The following TAS2R39 variants were observed in gnomAD, a reference collection of about 807,000 sequenced individuals.
TAS2R39 encodes the protein taste receptor type 2 member 39.
Under a neutral mutation model 20.5 loss-of-function variants are expected in TAS2R39, and 22 were observed. The ratio of observed to expected loss-of-function variants is 1.08; its 90% CI spans 0.77 to 1.54. The LOEUF (loss-of-function observed/expected upper bound fraction) is 1.54, where lower values mean the gene tolerates loss of function less well. TAS2R39 is among the 40% of genes most tolerant of loss of function. The pLI is 0.00. For missense variants in TAS2R39, 362 were observed against 398.6 expected (o/e 0.91, Z 0.78); for synonymous variants, 128 against 147.7 (o/e 0.87, Z 0.97).
Position 143,184,390 on chromosome 7 carries a change from G to T in TAS2R39, c.972G>T (p.Arg324=), listed in dbSNP as rs780473909. ...CTGGGCTGAGAAGAGCCTGGAAGCG[G>T]CTTCAGCTTCGACTTCATCTTTACC... is the stretch of plus-strand genomic sequence containing the variant. ...DNPGLRRAWK[R]LQLRLHLYPK... Residue 324 remains arginine, a synonymous_variant, in exon 1 of 1, where the codon CGG becomes CGT. Transcript: ENST00000446620. 6.2e-7 allele frequency: 1 copy of T among 1,612,246 alleles called. No homozygotes were observed. Among genetic ancestry groups the T allele is most frequent in the Non-Finnish European group, 8.5e-7 (1 of 1,178,996 alleles).
In TAS2R39 at chr7:143,183,423, T is replaced by G. The variant is rs200380921; in HGVS notation, c.5T>G (p.Leu2Arg). 3.3e-4 allele frequency: 536 copies of G among 1,610,590 alleles called. 6 individuals carry two copies. The African/African-American group carries it at 6.2e-3, about 19-fold the overall frequency. M[L>R]GRCFPPDTKE... The stretch of plus-strand genomic sequence containing the variant: ...TATCAAGAGTCTGCCCATCAAATGC[T>G]AGGGAGATGTTTTCCTCCAGACACC... Residue 2 changes from leucine to arginine, a missense_variant, in exon 1 of 1, where the codon CTA becomes CGA. Physicochemically the swap from Leu to Arg is moderately radical, Grantham distance 102. Coordinates refer to ENST00000446620, the MANE Select transcript of TAS2R39 (RefSeq NM_176881.2).
chr7:143,183,508 G>C lies in TAS2R39; in HGVS notation c.90G>C (p.Ser30=). The C allele has an allele frequency of 6.2e-7, 1 of 1,613,200 alleles. No individual in the cohort carries two copies. The highest frequency in any genetic ancestry group is 8.5e-7 in the Non-Finnish European group (1 of 1,179,354). The part of the protein sequence containing the change: ...KLCDPAESEL[S]PFLITLILAV... ...GCGATCCTGCAGAAAGTGAATTGTC[G>C]CCATTTCTCATCACCTTAATTTTAG... is the stretch of plus-strand genomic sequence containing the variant. The change falls in exon 1 of 1, where the codon TCG becomes TCC. Residue 30 remains serine (S), a synonymous_variant. Transcript: ENST00000446620.
In TAS2R39 at chr7:143,183,555, T is replaced by G. The variant is rs374774683; in HGVS notation, c.137T>G (p.Leu46Arg). 3 of 1,613,376 alleles carry G rather than the reference T, an allele frequency of 1.9e-6. No individual in the cohort carries two copies. The highest frequency in any genetic ancestry group is 2.5e-6 in the Non-Finnish European group (3 of 1,179,576). ...LILAVLLAEYLIGIIANGFIM... is the reference protein window; with the variant it reads ...LILAVLLAEYRIGIIANGFIM... ...TTAGCAGTTTTACTTGCTGAATACC[T>G]CATTGGTATCATTGCAAATGGTTTC... Residue 46 changes from leucine to arginine, a missense_variant, in exon 1 of 1, where the codon CTC becomes CGC. Coordinates refer to ENST00000446620, the MANE Select transcript of TAS2R39 (RefSeq NM_176881.2).
Position 143,184,196 on chromosome 7 carries a change from G to A in TAS2R39, c.778G>A (p.Ala260Thr). The A allele has an allele frequency of 1.2e-6, 2 of 1,613,716 alleles. No individual in the cohort carries two copies. Among genetic ancestry groups the A allele is most frequent in the Non-Finnish European group, 1.7e-6 (2 of 1,179,754 alleles). ...CCCCAGCATGGAGGCTCACATGGGG[G>A]CCATCAAAGCTATCAGCTACTTTCT... ...NDPSMEAHMG[A>T]IKAISYFLIL... Residue 260 changes from alanine (A) to threonine (T), a missense_variant, in exon 1 of 1, where the codon GCC becomes ACC. Transcript: ENST00000446620.
Position 143,184,021 on chromosome 7 carries a change from G to A in TAS2R39, c.603G>A (p.Leu201=). ...HSSNSTKKTY[L]SEINVVGLAF... is the part of the protein sequence containing the mutation. The stretch of plus-strand genomic sequence containing the variant: ...CCAACTCCACTAAGAAAACATACTT[G>A]TCTGAGATCAATGTGGTCGGTCTGG... The change falls in exon 1 of 1, where the codon TTG becomes TTA. Residue 201 remains leucine (L), a synonymous_variant. Coordinates refer to ENST00000446620, the MANE Select transcript of TAS2R39 (RefSeq NM_176881.2). 6.2e-7 allele frequency: 1 copy of A among 1,613,628 alleles called. No homozygotes were observed. Among genetic ancestry groups the A allele is most frequent in the Non-Finnish European group, 8.5e-7 (1 of 1,179,722 alleles).
chr7:143,183,952 C>T lies in TAS2R39; in HGVS notation c.534C>T (p.Asn178=), dbSNP rs779984086. Reference sequence around the variant, plus strand: ...TCAGTCACAGCATGTTCTGCATCAACATCTGCACTGTGTATTGTAACAATT... The same window carrying T: ...TCAGTCACAGCATGTTCTGCATCAATATCTGCACTGTGTATTGTAACAATT... ...ISFSHSMFCI[N]ICTVYCNNSF... Residue 178 remains asparagine, a synonymous_variant, in exon 1 of 1, where the codon AAC becomes AAT. Coordinates refer to ENST00000446620, the MANE Select transcript of TAS2R39 (RefSeq NM_176881.2). 3 of 1,613,366 alleles carry T rather than the reference C, an allele frequency of 1.9e-6. No homozygotes were observed. Among genetic ancestry groups the T allele is most frequent in the African/African-American group, 2.7e-5 (2 of 74,852 alleles).
Position 143,183,658 on chromosome 7 carries a change from T to G in TAS2R39, c.240T>G (p.Ser80Arg). ...STSGRILVFL[S>R]VSRIALQSLM... is the part of the protein sequence containing the mutation. ...GTGGCAGGATCCTGGTTTTCCTGAG[T>G]GTATCCAGAATAGCTCTCCAAAGCC... The change falls in exon 1 of 1, where the codon AGT becomes AGG. Residue 80 changes from serine (S) to arginine (R), a missense_variant. By Grantham distance (110) the Ser-to-Arg change is moderately radical. Coordinates refer to ENST00000446620, the MANE Select transcript of TAS2R39 (RefSeq NM_176881.2). 6.2e-7 allele frequency: 1 copy of G among 1,613,608 alleles called. No individual in the cohort carries two copies. The highest frequency in any genetic ancestry group is 1.6e-4 in the Middle Eastern group (1 of 6,062).
Position 143,184,118 on chromosome 7 carries a change from T to G in TAS2R39, c.700T>G (p.Ser234Ala). Residue 234 changes from serine to alanine, a missense_variant, in exon 1 of 1, where the codon TCT becomes GCT. By Grantham distance (99) the Ser-to-Ala change is moderately conservative (BLOSUM62 1). Coordinates refer to ENST00000446620, the MANE Select transcript of TAS2R39 (RefSeq NM_176881.2). ...FILTATLLIL[S>A]LKRHTLHMGS... ...CCTGACAGCCACCCTGCTGATCCTCTCTCTCAAGAGACACACCCTACACAT... is the reference window on the plus strand; with the variant it reads ...CCTGACAGCCACCCTGCTGATCCTCGCTCTCAAGAGACACACCCTACACAT... 1 of 1,613,682 alleles carries G rather than the reference T, an allele frequency of 6.2e-7. No homozygotes were observed. The highest frequency in any genetic ancestry group is 8.5e-7 in the Non-Finnish European group (1 of 1,179,738).
In TAS2R39 at chr7:143,183,765, G is replaced by A. The variant is rs1001951185; in HGVS notation, c.347G>A (p.Ser116Asn). ...EDAVYYAFKI[S>N]FIFLNFCSLW... ...GCTGTATATTATGCATTCAAAATAA[G>A]TTTTATATTCTTAAATTTTTGTAGC... The change falls in exon 1 of 1, where the codon AGT becomes AAT. Residue 116 changes from serine (S) to asparagine (N), a missense_variant. Ser to Asn is a conservative substitution (Grantham distance 46, BLOSUM62 1). Transcript: ENST00000446620. 4 of 1,613,272 alleles carry A rather than the reference G, an allele frequency of 2.5e-6. No homozygotes were observed. The highest frequency in any genetic ancestry group is 1.3e-5 in the African/African-American group (1 of 74,834).
the TAS2R39 span, chr7:143,183,428 A>T: frequency 6.2e-7 from 1 of 1,611,334 alleles, no homozygotes; most frequent in East Asian, 2.2e-5. Flanking sequence ...AATGCTAGGG[A>T]GATGTTTTCC....
rs1347888376 is a variant in TAS2R39, at chr7:143,184,272, T to C, written c.854T>C (p.Met285Thr). The C allele has an allele frequency of 1.9e-6, 3 of 1,613,772 alleles. No individual in the cohort carries two copies. Among genetic ancestry groups the C allele is most frequent in the East Asian group, 2.2e-5 (1 of 44,884 alleles). The change falls in exon 1 of 1, where the codon ATG (methionine) becomes ACG (threonine). Residue 285 changes from methionine to threonine, a missense_variant. Transcript: ENST00000446620. ...GCTCTGTTTATCTACCTGTCCAACA[T>C]GTTTGACATCAACAGTCTGTGGAAT... is the stretch of plus-strand genomic sequence containing the variant. Reference protein sequence around the residue: ...AVALFIYLSNMFDINSLWNNL... With the variant: ...AVALFIYLSNTFDINSLWNNL...
rs151299971 is a variant in TAS2R39 at position 143,183,853 on chromosome 7, C to G, written c.435C>G (p.Pro145=). 690 of 1,613,580 alleles carry G rather than the reference C, an allele frequency of 4.3e-4. 14 individuals are homozygous for G. The African/African-American group carries it at 7.1e-3, about 16-fold the overall frequency. The change falls in exon 1 of 1, where the codon CCC becomes CCG. Residue 145 remains proline, a synonymous_variant. Coordinates refer to ENST00000446620, the MANE Select transcript of TAS2R39 (RefSeq NM_176881.2). ...YFVKIANFSY[P]LFLKLRWRIT... is the part of the protein sequence containing the mutation. ...TGAAGATTGCCAATTTCTCCTACCC[C>G]CTTTTCCTCAAACTGAGGTGGAGAA... is the stretch of plus-strand genomic sequence containing the variant.
In TAS2R39 at chr7:143,183,589, T is replaced by C. The variant is rs1378186449; in HGVS notation, c.171T>C (p.Ala57=). Residue 57 remains alanine (A), a synonymous_variant, in exon 1 of 1, where the codon GCT becomes GCC. Transcript: ENST00000446620. ...IGIIANGFIM[A]IHAAEWVQNK... ...TCATTGCAAATGGTTTCATCATGGCTATACATGCAGCTGAATGGGTTCAAA... is the reference window on the plus strand; with the variant it reads ...TCATTGCAAATGGTTTCATCATGGCCATACATGCAGCTGAATGGGTTCAAA... 2 of 1,613,462 alleles carry C rather than the reference T, an allele frequency of 1.2e-6. No homozygotes were observed. The highest frequency in any genetic ancestry group is 2.7e-5 in the African/African-American group (2 of 74,872).
Position 143,184,264 on chromosome 7 carries a change from G to A in TAS2R39, c.846G>A (p.Leu282=), listed in dbSNP as rs1360833547. Residue 282 remains leucine (L), a synonymous_variant, in exon 1 of 1, where the codon CTG becomes CTA. Coordinates refer to ENST00000446620, the MANE Select transcript of TAS2R39 (RefSeq NM_176881.2). ...IFNAVALFIY[L]SNMFDINSLW... ...ATGCAGTTGCTCTGTTTATCTACCT[G>A]TCCAACATGTTTGACATCAACAGTC... is the stretch of plus-strand genomic sequence containing the variant. 6.2e-7 allele frequency: 1 copy of A among 1,613,672 alleles called. No individual in the cohort carries two copies. Among genetic ancestry groups the A allele is most frequent in the Non-Finnish European group, 8.5e-7 (1 of 1,179,748 alleles).
Position 143,183,587 on chromosome 7 carries a change from G to A in TAS2R39, c.169G>A (p.Ala57Thr). 6.2e-7 allele frequency: 1 copy of A among 1,613,456 alleles called. No homozygotes were observed. The highest frequency in any genetic ancestry group is 1.3e-5 in the African/African-American group (1 of 74,948). Reference protein sequence around the residue: ...IGIIANGFIMAIHAAEWVQNK... With the variant: ...IGIIANGFIMTIHAAEWVQNK... ...TATCATTGCAAATGGTTTCATCATG[G>A]CTATACATGCAGCTGAATGGGTTCA... Residue 57 changes from alanine (A) to threonine (T), a missense_variant, in exon 1 of 1, where the codon GCT (alanine) becomes ACT (threonine). Ala to Thr is a moderately conservative substitution (Grantham distance 58, BLOSUM62 0). Transcript: ENST00000446620.
chr7:143,184,164 C>T lies in TAS2R39; in HGVS notation c.746C>T (p.Ser249Phe), dbSNP rs1008137078. The T allele has an allele frequency of 6.2e-7, 1 of 1,613,654 alleles. No individual in the cohort carries two copies. Among genetic ancestry groups the T allele is most frequent in the Non-Finnish European group, 8.5e-7 (1 of 1,179,792 alleles). ...CACATGGGAAGCAATGCCACAGGGTCCAACGACCCCAGCATGGAGGCTCAC... is the reference window on the plus strand; with the variant it reads ...CACATGGGAAGCAATGCCACAGGGTTCAACGACCCCAGCATGGAGGCTCAC... ...TLHMGSNATG[S>F]NDPSMEAHMG... is the part of the protein sequence containing the mutation. The change falls in exon 1 of 1, where the codon TCC becomes TTC. Residue 249 changes from serine (S) to phenylalanine (F), a missense_variant. Physicochemically the swap from Ser to Phe is radical, Grantham distance 155. Transcript: ENST00000446620.
In TAS2R39 at chr7:143,184,390, G is replaced by C. The variant is rs780473909; in HGVS notation, c.972G>C (p.Arg324=). 2 of 1,612,246 alleles carry C rather than the reference G, an allele frequency of 1.2e-6. No individual in the cohort carries two copies. The highest frequency in any genetic ancestry group is 1.1e-5 in the South Asian group (1 of 90,966). ...DNPGLRRAWK[R]LQLRLHLYPK... Reference sequence around the variant, plus strand: ...CTGGGCTGAGAAGAGCCTGGAAGCGGCTTCAGCTTCGACTTCATCTTTACC... The same window carrying C: ...CTGGGCTGAGAAGAGCCTGGAAGCGCCTTCAGCTTCGACTTCATCTTTACC... Residue 324 remains arginine (R), a synonymous_variant, in exon 1 of 1, where the codon CGG becomes CGC. Transcript: ENST00000446620.
chr7:143,184,377 G>A lies in TAS2R39; in HGVS notation c.959G>A (p.Arg320Lys), dbSNP rs1248683026. 2 of 1,613,108 alleles carry A rather than the reference G, an allele frequency of 1.2e-6. No homozygotes were observed. Among genetic ancestry groups the A allele is most frequent in the African/African-American group, 2.7e-5 (2 of 74,858 alleles). ...ATTCAAGATAACCCTGGGCTGAGAA[G>A]AGCCTGGAAGCGGCTTCAGCTTCGA... Reference protein sequence around the residue: ...LLIQDNPGLRRAWKRLQLRLH... With the variant: ...LLIQDNPGLRKAWKRLQLRLH... The change falls in exon 1 of 1, where the codon AGA (arginine) becomes AAA (lysine). Residue 320 changes from arginine to lysine, a missense_variant. Arg to Lys is a conservative substitution (Grantham distance 26). Transcript: ENST00000446620.
Position 143,184,427 on chromosome 7 carries a change from ACTCTGT to A in TAS2R39, c.1010_1015del (p.Thr337_Ter339delinsArg), listed in dbSNP as rs1799824108. 1 of 1,602,776 alleles carries A rather than the reference ACTCTGT, an allele frequency of 6.2e-7. No individual in the cohort carries two copies. Among genetic ancestry groups the A allele is most frequent in the Admixed American group, 1.7e-5 (1 of 58,814 alleles). The stretch of plus-strand genomic sequence containing the variant: ...ACTTCATCTTTACCCAAAAGAGTGG[ACTCTGT>A]GACCAGCACCCAAGAAGACCACAGG... On this transcript the variant is annotated stop_lost and inframe_deletion, in exon 1 of 1. Transcript: ENST00000446620.
Sources: gnomAD v4.1 joint callset for allele counts on GRCh38, gnomAD v4.1.1 for gene constraint, MANE v1.5 for transcripts, NCBI Gene and HGNC (gene_info 2026-07-23, HGNC 2026-07-21) for gene names.